MAPK14: variants seen among roughly 807,000 people sequenced by gnomAD.
The protein encoded by MAPK14 is mitogen-activated protein kinase 14, also known as CSAID-binding protein.
MAPK14 carries 16 observed loss-of-function variants against 49.6 expected under a neutral mutation model. The ratio of observed to expected loss-of-function variants is 0.32; its 90% CI spans 0.22 to 0.49. The LOEUF (loss-of-function observed/expected upper bound fraction) is 0.49. Ranked by LOEUF, MAPK14 falls within the 20% of genes least tolerant of loss-of-function variation. The pLI, the probability that MAPK14 is intolerant of heterozygous loss-of-function variation, is 0.99. For missense variants in MAPK14, 200 were observed against 441.2 expected (o/e 0.45, Z 4.90); for synonymous variants, 142 against 158.0 (o/e 0.90, Z 0.76).
Position 36,051,526 on chromosome 6 carries a change from C to G in MAPK14, c.117-1173C>G, listed in dbSNP as rs116023927. ...TCCCACTCTCCCCTTGCTCCCTGTG[C>G]TCTACCCACACAGCCTTTCTGTCTT... On this transcript the variant is annotated intron_variant, in intron 1 of 11. Coordinates refer to ENST00000229794, the MANE Select transcript of MAPK14 (RefSeq NM_139012.3). Among the ~76,000 whole-genome samples the G allele has an allele frequency of 3.6e-3, 544 of 152,308 alleles. 4 individuals carry two copies. Among genetic ancestry groups the G allele is most frequent in the Middle Eastern group, 0.01 (3 of 294 alleles).
the MAPK14 span, among the ~76,000 whole-genome samples, chr6:36,118,544 G>A: frequency 3.3e-5 from 5 of 152,146 alleles, no homozygotes; most frequent in Non-Finnish European, 5.9e-5. Flanking sequence ...TTCTCGTGGC[G>A]TCCAGGGCTG....
In MAPK14 at chr6:36,027,886, T is replaced by G. The variant is rs200943566; in HGVS notation, c.-272T>G. 5 of 413,492 alleles carry G rather than the reference T, an allele frequency of 1.2e-5. No homozygotes were observed. Among genetic ancestry groups the G allele is most frequent in the Non-Finnish European group, 2.1e-5 (5 of 236,914 alleles). 25.6% of individuals were successfully genotyped at this position (413,492 alleles called of 1,614,324 possible). ...GGAGTCGGCCTTGTAGGGGCGAAGG[T>G]GCAGGGAGATCGCGGCGGGCGCAGT... On this transcript the variant is annotated 5_prime_UTR_variant, in exon 1 of 12. Coordinates refer to ENST00000229794, the MANE Select transcript of MAPK14 (RefSeq NM_139012.3).
chr6:36,074,220 A>G, intron 6 of MAPK14, 124 bp downstream of exon 6: 1 of 617,208 alleles, frequency 1.6e-6, no homozygotes, highest in Non-Finnish European at 2.8e-6. Context: ...TATTATTTTT[A>G]TTATCAGACT....
chr6:36,121,250 GC>G, the MAPK14 span, among the ~76,000 whole-genome samples: 1 of 152,204 alleles, frequency 6.6e-6, no homozygotes, highest in Non-Finnish European at 1.5e-5. Flanking sequence ...GGCAAGCCTT[GC>G]CCAACAGACT....
chr6:36,082,739 CA>C (rs1156445721), intron 8 of MAPK14, among the ~76,000 whole-genome samples: 3 of 152,116 alleles, frequency 2.0e-5, no homozygotes, highest in Non-Finnish European at 2.9e-5. Context: ...GCCCCACCTC[CA>C]ACATTGGGGA....
At chr6:36,050,061 C>G (rs9368898) in intron 1 of MAPK14, among the ~76,000 whole-genome samples, 16,457 of 152,114 alleles carry the variant, frequency 0.11, 1,676 homozygotes, top group East Asian at 0.51. Context: ...AAGAAAATGG[C>G]TTTATTGAGA....
downstream of MAPK14, among the ~76,000 whole-genome samples, chr6:36,113,354 A>G (rs1581865126): frequency 7.3e-6 from 1 of 136,196 alleles, no homozygotes; most frequent in Non-Finnish European, 1.5e-5. Flanking sequence ...AAAAAAAAAA[A>G]AAAAAAAAAA....
At chr6:36,072,371 G>A (rs1439425716) in intron 3 of MAPK14, among the ~76,000 whole-genome samples, 2 of 152,040 alleles carry the variant, frequency 1.3e-5, no homozygotes, top group South Asian at 2.1e-4. Flanking sequence ...TGAAAATGAG[G>A]TAATGAGGTG....
In MAPK14 at chr6:36,089,551, A is replaced by T. The variant is rs540736678; in HGVS notation, c.683-6436A>T. On this transcript the variant is annotated intron_variant, in intron 8 of 11. Transcript: ENST00000229794. ...TATCTCAGAACTTTAATTTAATTTTAAAAAAATATAAGAAATACTCATTTT... is the reference window on the plus strand; with the variant it reads ...TATCTCAGAACTTTAATTTAATTTTTAAAAAATATAAGAAATACTCATTTT... 1.2e-3 allele frequency among the ~76,000 whole-genome samples: 188 copies of T among 152,330 alleles called. 3 individuals carry two copies. In the South Asian group the frequency reaches 0.036, roughly 29 times the overall value.
chr6:36,102,676 A>G (rs201491038), intron 10 of MAPK14, 27 bp downstream of exon 10: 1 of 1,609,568 alleles, frequency 6.2e-7, no homozygotes, highest in Non-Finnish European at 8.5e-7. Context: ...TCCTCACCTC[A>G]TGGATATTGA....
Position 36,033,576 on chromosome 6 carries a change from A to G in MAPK14, c.116+5303A>G, listed in dbSNP as rs137975369. On this transcript the variant is annotated intron_variant, in intron 1 of 11. Transcript: ENST00000229794. ...GTGATCTGCCCACCTTGGCCTCCCA[A>G]AGTGCTGGGATTACAGGAATGAGCC... 3.6e-3 allele frequency among the ~76,000 whole-genome samples: 545 copies of G among 152,270 alleles called. 3 individuals carry two copies. Among genetic ancestry groups the G allele is most frequent in the African/African-American group, 0.013 (525 of 41,556 alleles).
intron 3 of MAPK14, 141 bp downstream of exon 3, chr6:36,059,488 T>C (rs746073792): frequency 7.1e-5 from 47 of 666,110 alleles, no homozygotes; most frequent in Admixed American, 4.2e-4. Flanking sequence ...GGTGTAGGGA[T>C]GGATACCAGA....
chr6:36,062,807 A>T (rs759193108), intron 3 of MAPK14, among the ~76,000 whole-genome samples: 3 of 151,826 alleles, frequency 2.0e-5, no homozygotes, highest in Non-Finnish European at 4.4e-5. Flanking sequence ...ACAGGCGCAC[A>T]TCACCATGCC....
rs111807142 is a variant in MAPK14 at position 36,051,118 on chromosome 6, A to ATT, written c.117-1567_117-1566dup. 6.7e-4 allele frequency among the ~76,000 whole-genome samples: 96 copies of ATT among 142,774 alleles called. 1 individual carries two copies. Among genetic ancestry groups the ATT allele is most frequent in the Admixed American group, 1.6e-3 (23 of 14,228 alleles). 93.7% of individuals were successfully genotyped at this position (142,774 alleles called of 152,430 possible). A position where few individuals can be genotyped will look rare whatever the true frequency, so the allele number is the denominator to read the frequency against. On this transcript the variant is annotated intron_variant, in intron 1 of 11. Coordinates refer to ENST00000229794, the MANE Select transcript of MAPK14 (RefSeq NM_139012.3). ...GGCCCAGACAATTTCTGTTATTACT[A>ATT]TTTTTTTTTTTTTTTGAGACCGAGT...
At chr6:36,114,148 G>GT (rs746064116), downstream of MAPK14, among the ~76,000 whole-genome samples, 28 of 152,342 alleles carry the variant, frequency 1.8e-4, no homozygotes, top group African/African-American at 6.5e-4. Context: ...CCTTCCCCCA[G>GT]TTGGGATAGC....
intron 1 of MAPK14, among the ~76,000 whole-genome samples, chr6:36,044,903 G>A (rs574546936): frequency 6.6e-6 from 1 of 152,260 alleles, no homozygotes; most frequent in South Asian, 2.1e-4. Flanking sequence ...GGAGTCCAAG[G>A]CAGGAGGATC....
intron 3 of MAPK14, among the ~76,000 whole-genome samples, chr6:36,071,720 G>A (rs1335371914): frequency 6.6e-6 from 1 of 152,196 alleles, no homozygotes; most frequent in Admixed American, 6.5e-5. Context: ...AGGTGAAAAT[G>A]TAGCGGTGGA....
chr6:36,124,137 TC>T, the MAPK14 span, among the ~76,000 whole-genome samples: 1 of 37,932 alleles, frequency 2.6e-5, no homozygotes, highest in African/African-American at 1.1e-4. Flanking sequence ...CCTCCCTCCC[TC>T]CCTCCCTCCC....
At position 36,027,808 on chromosome 6, in the gene MAPK14, A is replaced by G. The variant is rs201749429; in HGVS notation, c.-350A>G. The G allele has an allele frequency of 5.0e-6, 2 of 400,534 alleles. No homozygotes were observed. Among genetic ancestry groups the G allele is most frequent in the Admixed American group, 4.4e-5 (1 of 22,720 alleles). The allele number at this position is 400,534 out of a possible 1,614,324, so 24.8% of individuals were successfully genotyped here. On this transcript the variant is annotated 5_prime_UTR_variant, in exon 1 of 12. Coordinates refer to ENST00000229794, the MANE Select transcript of MAPK14 (RefSeq NM_139012.3). ...TTTGCTGGCTCTTGGAACCGCGACC[A>G]CTGGAGCCTTAGCGGGCGCAGCAGC... is the stretch of plus-strand genomic sequence containing the variant.
Sources: allele counts gnomAD v4.1 joint callset (sites outside exome capture counted in the v4.1 genomes callset), GRCh38; gene constraint gnomAD v4.1.1; transcripts MANE v1.5; gene names NCBI Gene and HGNC (gene_info 2026-07-23, HGNC 2026-07-21).